RAPGEF4: variants seen among roughly 807,000 people sequenced by gnomAD.
The protein encoded by RAPGEF4 is Rap guanine nucleotide exchange factor 4.
In RAPGEF4, 66 loss-of-function variants were observed where a neutral mutation model predicts 147.9. That is an observed-to-expected ratio of 0.45 (90% confidence interval 0.37 to 0.55). The LOEUF (loss-of-function observed/expected upper bound fraction) is 0.55. Among genes scored for constraint, RAPGEF4 ranks in the 20% least tolerant of loss-of-function variants. RAPGEF4 has a pLI of 0.00. For missense variants in RAPGEF4, 1,071 were observed against 1,257.3 expected (o/e 0.85, Z 2.24); for synonymous variants, 419 against 442.7 (o/e 0.95, Z 0.67).
intron 1 of RAPGEF4, among the ~76,000 whole-genome samples, chr2:172,785,991 C>T (rs751145303): frequency 2.0e-5 from 3 of 152,146 alleles, no homozygotes; most frequent in South Asian, 2.1e-4. Flanking sequence ...AGCCAAGCAA[C>T]GGAAGTCATC....
intron 14 of RAPGEF4, among the ~76,000 whole-genome samples, chr2:172,989,917 C>A (rs2105728064): frequency 6.6e-6 from 1 of 151,338 alleles, no homozygotes; most frequent in Admixed American, 6.6e-5. Context: ...TGCTCCTGCC[C>A]TTGTGTCTGG....
chr2:172,858,586 G>C (rs1355839002), intron 4 of RAPGEF4, among the ~76,000 whole-genome samples: 3 of 152,252 alleles, frequency 2.0e-5, no homozygotes, highest in Non-Finnish European at 4.4e-5. Context: ...AGTCATTGAA[G>C]GCCATGATAA....
At chr2:172,781,848 A>C (rs1018597156) in intron 1 of RAPGEF4, among the ~76,000 whole-genome samples, 5 of 152,254 alleles carry the variant, frequency 3.3e-5, no homozygotes, top group Non-Finnish European at 4.4e-5. Flanking sequence ...TATACAGTGT[A>C]GTTTTAAAAT....
chr2:172,886,519 A>G (rs1427509891), intron 4 of RAPGEF4, among the ~76,000 whole-genome samples: 5 of 152,190 alleles, frequency 3.3e-5, no homozygotes. Flanking sequence ...ACTTGAAACA[A>G]AGTTTCCATG....
chr2:172,989,076 T>TGCATC (rs1176123764), intron 14 of RAPGEF4, among the ~76,000 whole-genome samples: 7 of 152,256 alleles, frequency 4.6e-5, no homozygotes, highest in Admixed American at 1.3e-4. Context: ...AGTCCCTCTA[T>TGCATC]GCATCCCTGC....
At chr2:172,903,086 C>T (rs540803464) in intron 4 of RAPGEF4, among the ~76,000 whole-genome samples, 1 of 152,010 alleles carries the variant, frequency 6.6e-6, no homozygotes, top group Non-Finnish European at 1.5e-5. Flanking sequence ...TACAAAGTCT[C>T]GGCCAGGTGC....
intron 1 of RAPGEF4, among the ~76,000 whole-genome samples, chr2:172,756,005 C>T (rs1014945832): frequency 2.0e-5 from 3 of 152,220 alleles, no homozygotes; most frequent in Admixed American, 1.3e-4. Context: ...CTCTCGCCAG[C>T]ACTTTGTAGC....
intron 1 of RAPGEF4, among the ~76,000 whole-genome samples, chr2:172,787,539 A>G (rs772703118): frequency 1.1e-4 from 17 of 152,098 alleles, no homozygotes; most frequent in Non-Finnish European, 2.1e-4. Flanking sequence ...CCCAACTAGT[A>G]TTTATTGGAT....
intron 10 of RAPGEF4, among the ~76,000 whole-genome samples, chr2:172,981,659 C>T (rs932866093): frequency 1.3e-5 from 2 of 152,154 alleles, no homozygotes; most frequent in African/African-American, 2.4e-5. Context: ...CAGAAGAGAA[C>T]GTTATAATAT....
In RAPGEF4 at chr2:172,925,773, AAGAAAG is replaced by A. The variant is rs755653072; in HGVS notation, c.537+3477_537+3482del. On this transcript the variant is annotated intron_variant, in intron 6 of 30. Coordinates refer to ENST00000397081, the MANE Select transcript of RAPGEF4 (RefSeq NM_007023.4). ...AGAGAAAGAGAGAAAGGAAGAAAGA[AAGAAAG>A]AGAGAGAGAGAGAGAGAGAAAGAAA... Among the ~76,000 whole-genome samples the A allele has an allele frequency of 9.2e-3, 502 of 54,416 alleles. 3 individuals carry two copies. Among genetic ancestry groups the A allele is most frequent in the Non-Finnish European group, 0.013 (237 of 17,842 alleles). 35.7% of individuals were successfully genotyped at this position (54,416 alleles called of 152,430 possible).
chr2:172,905,266 C>T (rs984051083), intron 4 of RAPGEF4, among the ~76,000 whole-genome samples: 1 of 152,092 alleles, frequency 6.6e-6, no homozygotes, highest in South Asian at 2.1e-4. Context: ...GGTATTTGTA[C>T]TGTCATGTGT....
At chr2:173,011,159 A>AGCGCGT (rs1553548083) in intron 17 of RAPGEF4, among the ~76,000 whole-genome samples, 44 of 128,414 alleles carry the variant, frequency 3.4e-4, no homozygotes, top group Non-Finnish European at 5.4e-4. Flanking sequence ...TTGGAACTTC[A>AGCGCGT]GCGCGCGCGC....
intron 4 of RAPGEF4, among the ~76,000 whole-genome samples, chr2:172,898,647 GT>G (rs1206515604): frequency 6.6e-6 from 1 of 152,170 alleles, no homozygotes; most frequent in Non-Finnish European, 1.5e-5. Flanking sequence ...AAACAAGAAT[GT>G]CCTGGAGGGA....
intron 1 of RAPGEF4, among the ~76,000 whole-genome samples, chr2:172,777,115 G>C (rs774970721): frequency 2.0e-5 from 3 of 152,066 alleles, no homozygotes; most frequent in Non-Finnish European, 2.9e-5. Flanking sequence ...GCTTGATTCT[G>C]TTTGGCTTAT....
intron 13 of RAPGEF4, 60 bp from the exon 14 acceptor site, chr2:172,988,633 G>C: frequency 6.6e-7 from 1 of 1,522,596 alleles, no homozygotes; most frequent in South Asian, 1.2e-5. Context: ...GTGGCAGGAG[G>C]TGGTGGGTGT....
intron 29 of RAPGEF4, among the ~76,000 whole-genome samples, chr2:173,040,033 A>G (rs1179702068): frequency 7.9e-5 from 12 of 152,100 alleles, no homozygotes; most frequent in Admixed American, 5.2e-4. Context: ...CTCTAAAAAT[A>G]CAAAAATTAG....
intron 4 of RAPGEF4, among the ~76,000 whole-genome samples, chr2:172,833,238 C>G (rs911431944): frequency 6.9e-6 from 1 of 145,174 alleles, no homozygotes; most frequent in African/African-American, 2.5e-5. Context: ...AGGTATGGCA[C>G]TGAACATGTA....
chr2:172,849,071 TTTC>T (rs1467388311), intron 4 of RAPGEF4, among the ~76,000 whole-genome samples: 12 of 150,956 alleles, frequency 7.9e-5, no homozygotes, highest in African/African-American at 1.9e-4. Context: ...TCTGGGAGCT[TTTC>T]TTTTTTTTTT....
chr2:173,040,553 G>T (rs1212009266), intron 29 of RAPGEF4, among the ~76,000 whole-genome samples: 1 of 152,190 alleles, frequency 6.6e-6, no homozygotes, highest in Non-Finnish European at 1.5e-5. Flanking sequence ...GGGTAGCCAG[G>T]AATACAGATA....
Sources: gnomAD v4.1 joint callset for allele counts (sites outside exome capture counted in the v4.1 genomes callset) on GRCh38, gnomAD v4.1.1 for gene constraint, MANE v1.5 for transcripts, NCBI Gene and HGNC (gene_info 2026-07-23, HGNC 2026-07-21) for gene names.